PHF5A: variants seen among roughly 807,000 people sequenced by gnomAD.
The protein encoded by PHF5A is PHD finger-like domain-containing protein 5A.
For synonymous variants in PHF5A, 52 were observed against 46.0 expected, an observed-to-expected ratio of 1.13 and a Z score of -0.52; for missense variants, 24 against 140.6, an observed-to-expected ratio of 0.17 and a Z score of 4.19.
intron 3 of PHF5A, among the ~76,000 whole-genome samples, chr22:41,461,507 C>T (rs552620839): frequency 1.3e-5 from 2 of 151,794 alleles, no homozygotes; most frequent in South Asian, 2.1e-4. Flanking sequence ...AGGTACACGC[C>T]GCCATGCCCG....
intron 3 of PHF5A, among the ~76,000 whole-genome samples, chr22:41,466,854 C>T (rs1381641040): frequency 3.3e-5 from 5 of 151,782 alleles, no homozygotes; most frequent in South Asian, 2.1e-4. Context: ...GGTATGGTGG[C>T]GCATGCCTGT....
intron 1 of PHF5A, 38 bp downstream of exon 1, chr22:41,468,563 AC>A (rs767004272): frequency 5.0e-6 from 8 of 1,609,466 alleles, no homozygotes; most frequent in Non-Finnish European, 5.9e-6. Context: ...TCCTAATACC[AC>A]CCCTGCCCAG....
intron 3 of PHF5A, among the ~76,000 whole-genome samples, chr22:41,463,954 C>T (rs1194976648): frequency 7.9e-5 from 12 of 152,054 alleles, no homozygotes; most frequent in Admixed American, 4.6e-4. Context: ...TTATTAGCCA[C>T]GTGACCTTGG....
At chr22:41,463,321 T>G (rs1433143575) in intron 3 of PHF5A, among the ~76,000 whole-genome samples, 4 of 151,194 alleles carry the variant, frequency 2.6e-5, no homozygotes, top group Admixed American at 2.6e-4. Context: ...ACGGGCGTGG[T>G]GGCTCACGCC....
intron 3 of PHF5A, 93 bp from the exon 4 acceptor site, chr22:41,460,580 C>T (rs1395712677): frequency 1.8e-5 from 17 of 929,678 alleles, no homozygotes; most frequent in Non-Finnish European, 2.6e-5. Context: ...GTAGCATGTG[C>T]CTTTAGTCCC....
chr22:41,462,065 A>G (rs2037831329), intron 3 of PHF5A, among the ~76,000 whole-genome samples: 1 of 152,196 alleles, frequency 6.6e-6, no homozygotes, highest in African/African-American at 2.4e-5. Context: ...CTGGCTAGAG[A>G]TAGATGGCTG....
chr22:41,461,202 C>A (rs1224799442), intron 3 of PHF5A, among the ~76,000 whole-genome samples: 1 of 151,992 alleles, frequency 6.6e-6, no homozygotes, highest in African/African-American at 2.4e-5. Flanking sequence ...CATTTTATAA[C>A]CTTTGGATTA....
intron 3 of PHF5A, 60 bp from the exon 4 acceptor site, chr22:41,460,547 A>AT: frequency 7.0e-7 from 1 of 1,436,548 alleles, no homozygotes. Context: ...GTGACTTAAG[A>AT]TAAAAAATTT....
intron 1 of PHF5A, 187 bp from the exon 2 acceptor site, chr22:41,468,334 C>T (rs1601868740): frequency 3.0e-6 from 2 of 655,890 alleles, no homozygotes; most frequent in African/African-American, 3.6e-5. Context: ...TCCTGAATCT[C>T]CTCCAACGCC....
chr22:41,465,722 A>G (rs2146063161), intron 3 of PHF5A, among the ~76,000 whole-genome samples: 1 of 152,130 alleles, frequency 6.6e-6, no homozygotes, highest in South Asian at 2.1e-4. Context: ...TCTACTAAAA[A>G]TACAAAAACT....
At chr22:41,463,279 AAAAAT>A (rs2146060762) in intron 3 of PHF5A, among the ~76,000 whole-genome samples, 1 of 152,226 alleles carries the variant, frequency 6.6e-6, no homozygotes, top group South Asian at 2.1e-4. Context: ...ATGAGAAAAA[AAAAAT>A]AAAAGGTTAA....
intron 3 of PHF5A, among the ~76,000 whole-genome samples, chr22:41,466,901 G>A (rs573464695): frequency 1.3e-5 from 2 of 152,042 alleles, no homozygotes; most frequent in East Asian, 3.9e-4. Flanking sequence ...TGGGAGGATC[G>A]TTTGAGCCCA....
At chr22:41,461,391 CTCTT>C (rs2037826232) in intron 3 of PHF5A, among the ~76,000 whole-genome samples, 1 of 92,404 alleles carries the variant, frequency 1.1e-5, no homozygotes, top group South Asian at 3.3e-4. Flanking sequence ...GACTATGAAA[CTCTT>C]TTTTTTTTTT....
rs529901335 is a variant in PHF5A, at chr22:41,466,674, C to T, written c.243+774G>A. On this transcript the variant is annotated intron_variant, in intron 3 of 3. Coordinates refer to ENST00000216252, the MANE Select transcript of PHF5A (RefSeq NM_032758.4). Reference sequence around the variant, plus strand: ...AAGTAGCTGCGACCACAGGTACACACCAGCACACCTGACTAATGAAAAATA... The same window carrying T: ...AAGTAGCTGCGACCACAGGTACACATCAGCACACCTGACTAATGAAAAATA... Among the ~76,000 whole-genome samples, 263 of 152,268 alleles carry T rather than the reference C, an allele frequency of 1.7e-3. 1 individual carries two copies. The highest frequency in any genetic ancestry group is 2.3e-3 in the South Asian group (11 of 4,820).
At chr22:41,465,612 T>A (rs995062159) in intron 3 of PHF5A, among the ~76,000 whole-genome samples, 14 of 151,594 alleles carry the variant, frequency 9.2e-5, no homozygotes, top group Admixed American at 4.6e-4. Flanking sequence ...CCAGGCGTGA[T>A]GGCTCACGCC....
At position 41,460,291 on chromosome 22, in the gene PHF5A, T is replaced by C; in HGVS notation, c.*107A>G. 1 of 881,144 alleles carries C rather than the reference T, an allele frequency of 1.1e-6. No individual in the cohort carries two copies. The allele number at this position is 881,144 out of a possible 1,614,324, so 54.6% of individuals were successfully genotyped here. The stretch of plus-strand genomic sequence containing the variant: ...AAGCTGCCAGTACACTAGCAGGCAC[T>C]CCTGGTGATGCTCTGGGCTCTGCTC... On this transcript the variant is annotated 3_prime_UTR_variant, in exon 4 of 4. Transcript: ENST00000216252.
At chr22:41,460,740 G>A (rs1168445359) in intron 3 of PHF5A, among the ~76,000 whole-genome samples, 51 of 151,166 alleles carry the variant, frequency 3.4e-4, no homozygotes, top group Non-Finnish European at 1.2e-4. Context: ...AAAAAAATTG[G>A]TCACAGAGTT....
rs1282216683 is a variant in PHF5A at position 41,467,409 on chromosome 22, C to T, written c.243+39G>A. The T allele has an allele frequency of 6.9e-6, 11 of 1,602,454 alleles. No homozygotes were observed. The Admixed American group carries it at 1.2e-4, about 17-fold the overall frequency. On this transcript the variant is annotated intron_variant, in intron 3 of 3. Transcript: ENST00000216252. ...CAGTGGATGGCAAAGTGTTACTAAA[C>T]AAAAGGAGGAAAGGTCAGATGGAAA... is the stretch of plus-strand genomic sequence containing the variant.
chr22:41,467,396 A>C, intron 3 of PHF5A, 52 bp downstream of exon 3: 1 of 1,570,794 alleles, frequency 6.4e-7, no homozygotes, highest in South Asian at 1.1e-5. Flanking sequence ...GTGGATGGCA[A>C]AGTGTTACTA....
Sources: allele counts gnomAD v4.1 joint callset (sites outside exome capture counted in the v4.1 genomes callset), GRCh38; gene constraint gnomAD v4.1.1; transcripts MANE v1.5; gene names NCBI Gene and HGNC (gene_info 2026-07-23, HGNC 2026-07-21).